INVS: variants seen among roughly 807,000 people sequenced by gnomAD.
The protein encoded by INVS is inversin, also known as inversion of embryo turning homolog.
Under a neutral mutation model 108.8 loss-of-function variants are expected in INVS, and 86 were observed. That is an observed-to-expected ratio of 0.79 (90% CI 0.66 to 0.95). INVS has a LOEUF of 0.95. INVS is among the 40% of genes least tolerant of loss of function. The pLI, the probability that INVS is intolerant of heterozygous loss-of-function variation, is 0.00. For synonymous variants in INVS, 455 were observed against 473.5 expected (o/e 0.96, Z 0.51); for missense variants, 1,169 against 1,297.4 (o/e 0.90, Z 1.52).
intron 10 of INVS, among the ~76,000 whole-genome samples, chr9:100,260,444 G>C (rs918321119): frequency 3.3e-5 from 5 of 151,944 alleles, no homozygotes; most frequent in African/African-American, 1.2e-4. Flanking sequence ...ACCCACCTTG[G>C]CCTCCCAAAG....
chr9:100,197,254 A>C (rs911309445), intron 3 of INVS, among the ~76,000 whole-genome samples: 1 of 152,168 alleles, frequency 6.6e-6, no homozygotes, highest in Non-Finnish European at 1.5e-5. Context: ...GGATATATTA[A>C]AAGATACAAA....
At chr9:100,282,840 T>A (rs1242836307) in intron 12 of INVS, among the ~76,000 whole-genome samples, 1 of 152,342 alleles carries the variant, frequency 6.6e-6, no homozygotes, top group East Asian at 1.9e-4. Flanking sequence ...TATTAGACTT[T>A]CCTGTGCTCT....
In INVS at chr9:100,226,226, T is replaced by C. The variant is rs1564165939; in HGVS notation, c.438T>C (p.Asp146=). Residue 146 remains aspartate, a synonymous_variant, in exon 4 of 17, where the codon GAT becomes GAC. Coordinates refer to ENST00000262457, the MANE Select transcript of INVS (RefSeq NM_014425.5). ...FMAPGEVDTQ[D]KNKQTALHWS... ...CACCAGGAGAAGTGGATACACAGGA[T>C]AAAAACAAGGTAATGGATACTCAAA... is the stretch of plus-strand genomic sequence containing the variant. 3 of 1,613,706 alleles carry C rather than the reference T, an allele frequency of 1.9e-6. No homozygotes were observed. The highest frequency in any genetic ancestry group is 2.5e-6 in the Non-Finnish European group (3 of 1,179,862).
At chr9:100,180,473 G>A (rs1031123391) in intron 3 of INVS, among the ~76,000 whole-genome samples, 21 of 151,616 alleles carry the variant, frequency 1.4e-4, no homozygotes, top group Admixed American at 1.3e-3. Flanking sequence ...CAGAAATACA[G>A]ACTACCATCA....
In INVS at chr9:100,166,108, A is replaced by G. The variant is rs994383611; in HGVS notation, c.273+39559A>G. Among the ~76,000 whole-genome samples the G allele has an allele frequency of 2.0e-5, 3 of 152,214 alleles. No individual in the cohort carries two copies. In the East Asian group the frequency reaches 5.8e-4, roughly 29 times the overall value. ...CCTTTTGCTCACCCAGTCAAGAATG[A>G]TAGAATATCACATTGTCTAGATGAA... On this transcript the variant is annotated intron_variant, in intron 3 of 16. Coordinates refer to ENST00000262457, the MANE Select transcript of INVS (RefSeq NM_014425.5).
intron 3 of INVS, among the ~76,000 whole-genome samples, chr9:100,154,884 G>A (rs997649444): frequency 6.6e-6 from 1 of 152,084 alleles, no homozygotes; most frequent in Non-Finnish European, 1.5e-5. Context: ...TTTTGATTTT[G>A]GAACTTCGTA....
At chr9:100,248,200 G>C (rs1832106365) in intron 8 of INVS, among the ~76,000 whole-genome samples, 1 of 152,106 alleles carries the variant, frequency 6.6e-6, no homozygotes, top group South Asian at 2.1e-4. Flanking sequence ...TTAATTTTTT[G>C]TCAGTTTTCC....
At position 100,175,574 on chromosome 9, in the gene INVS, C is replaced by T. The variant is rs980946799; in HGVS notation, c.273+49025C>T. On this transcript the variant is annotated intron_variant, in intron 3 of 16. Transcript: ENST00000262457. The stretch of plus-strand genomic sequence containing the variant: ...AACAGGTTAAGACTTGGTTCCAGAA[C>T]CAGAGAATAAAATATAAGAGGTGGC... 5.6e-6 allele frequency: 4 copies of T among 714,576 alleles called. No individual in the cohort carries two copies. The Admixed American group carries it at 5.7e-5, about 10-fold the overall frequency. The allele number at this position is 714,576 out of a possible 1,614,324, so 44.3% of individuals were successfully genotyped here.
chr9:100,258,809 G>C (rs1223542425), intron 10 of INVS, among the ~76,000 whole-genome samples: 4 of 152,216 alleles, frequency 2.6e-5, no homozygotes, highest in African/African-American at 9.6e-5. Flanking sequence ...CTGGCTGTAT[G>C]AGGTGTCAGT....
chr9:100,230,498 G>A (rs959285689), intron 5 of INVS, among the ~76,000 whole-genome samples: 12 of 151,632 alleles, frequency 7.9e-5, no homozygotes, highest in African/African-American at 1.7e-4. Flanking sequence ...ATTCTTTCTC[G>A]CTCAACCTTA....
At chr9:100,279,519 A>G (rs1833214823) in intron 12 of INVS, among the ~76,000 whole-genome samples, 1 of 152,156 alleles carries the variant, frequency 6.6e-6, no homozygotes, top group Admixed American at 6.5e-5. Context: ...CTATAATATA[A>G]TTCAATAACG....
At position 100,144,824 on chromosome 9, in the gene INVS, C is replaced by T. The variant is rs58729823; in HGVS notation, c.273+18275C>T. On this transcript the variant is annotated intron_variant, in intron 3 of 16. Coordinates refer to ENST00000262457, the MANE Select transcript of INVS (RefSeq NM_014425.5). ...AAGGAAGACTGGAAAGACTCAGCGA[C>T]GCTTGGGGTTGGGACTGAGGGGACA... is the stretch of plus-strand genomic sequence containing the variant. Among the ~76,000 whole-genome samples, 986 of 151,800 alleles carry T rather than the reference C, an allele frequency of 6.5e-3. 9 individuals are homozygous for T. The highest frequency in any genetic ancestry group is 0.023 in the African/African-American group (951 of 41,354).
intron 3 of INVS, among the ~76,000 whole-genome samples, chr9:100,135,960 T>C (rs1474140608): frequency 1.3e-5 from 2 of 151,656 alleles, no homozygotes; most frequent in Non-Finnish European, 2.9e-5. Context: ...ATCAGAGTGG[T>C]GTTATGGAGC....
At chr9:100,237,436 C>T (rs1831722214) in intron 5 of INVS, among the ~76,000 whole-genome samples, 2 of 152,174 alleles carry the variant, frequency 1.3e-5, no homozygotes, top group Admixed American at 1.3e-4. Flanking sequence ...AGCTCAGTGT[C>T]TGCCCAAACG....
intron 3 of INVS, among the ~76,000 whole-genome samples, chr9:100,153,165 C>T (rs1828862195): frequency 6.7e-6 from 1 of 149,130 alleles, no homozygotes; most frequent in South Asian, 2.1e-4. Context: ...TTTCTATCTG[C>T]AAGTCAAAAT....
chr9:100,266,571 G>T (rs1832799873), intron 11 of INVS, among the ~76,000 whole-genome samples: 1 of 152,148 alleles, frequency 6.6e-6, no homozygotes, highest in South Asian at 2.1e-4. Context: ...GTTTTGGTGG[G>T]TTTTGGCCAG....
rs556906432 is a variant in INVS at position 100,111,707 on chromosome 9, C to T, written c.106+7080C>T. On this transcript the variant is annotated intron_variant, in intron 2 of 16. Transcript: ENST00000262457. ...GTTACAATTACCAAATATTTCCAAA[C>T]AATACATTGTTTTATTGGATCATCA... 7.2e-5 allele frequency among the ~76,000 whole-genome samples: 11 copies of T among 152,322 alleles called. No individual in the cohort carries two copies. In the South Asian group the frequency reaches 2.3e-3, roughly 32 times the overall value.
intron 13 of INVS, among the ~76,000 whole-genome samples, chr9:100,287,203 C>T (rs893881070): frequency 4.6e-5 from 7 of 152,162 alleles, no homozygotes; most frequent in East Asian, 3.9e-4. Context: ...CTCTGGTTTA[C>T]GTGGTTTTCA....
intron 5 of INVS, among the ~76,000 whole-genome samples, chr9:100,232,387 T>C (rs1269163226): frequency 6.6e-6 from 1 of 152,202 alleles, no homozygotes; most frequent in Admixed American, 6.5e-5. Context: ...TTGGCTTTTG[T>C]TGCCATTGCT....
Sources: allele counts gnomAD v4.1 joint callset (sites outside exome capture counted in the v4.1 genomes callset), GRCh38; gene constraint gnomAD v4.1.1; transcripts MANE v1.5; gene names NCBI Gene and HGNC (gene_info 2026-07-23, HGNC 2026-07-21).